The following ST8SIA5 variants were observed in gnomAD, a reference collection of about 807,000 sequenced individuals.
ST8SIA5 encodes alpha-2,8-sialyltransferase 8E.
ST8SIA5 carries 24 observed loss-of-function variants against 40.2 expected under a neutral mutation model. The ratio of observed to expected loss-of-function variants is 0.60; its 90% confidence interval spans 0.43 to 0.84. The LOEUF is 0.84. Among genes scored for constraint, ST8SIA5 ranks in the 40% least tolerant of loss-of-function variants. The pLI is 0.00. For synonymous variants in ST8SIA5, 198 were observed against 201.8 expected (o/e 0.98, Z 0.16); for missense variants, 465 against 498.5 (o/e 0.93, Z 0.64).
intron 2 of ST8SIA5, 57 bp from the exon 3 acceptor site, chr18:46,692,312 C>T: frequency 6.5e-7 from 1 of 1,538,004 alleles, no homozygotes; most frequent in Non-Finnish European, 9.0e-7. Context: ...AGAGCGCGAT[C>T]ATTCCCAGAA....
At chr18:46,709,745 G>A (rs1374258847) in intron 1 of ST8SIA5, among the ~76,000 whole-genome samples, 2 of 152,218 alleles carry the variant, frequency 1.3e-5, no homozygotes, top group African/African-American at 4.8e-5. Flanking sequence ...GCAAAGGGAA[G>A]AATTGTAACA....
rs867039821 is a variant in ST8SIA5 at position 46,677,085 on chromosome 18, T to A, written c.*2957A>T. 3 of 152,364 alleles carry A rather than the reference T, an allele frequency of 2.0e-5. No individual in the cohort carries two copies. The highest frequency in any genetic ancestry group is 4.4e-5 in the Non-Finnish European group (3 of 68,030). The allele number at this position is 152,364 out of a possible 1,614,324, so 9.4% of individuals were successfully genotyped here. A position where few individuals can be genotyped will look rare whatever the true frequency, so the allele number is the denominator to read the frequency against. ...AGTGCCACTGTGGGTAAGTCGCTAC[T>A]GCTGTAGGCGGCAGGGTTAGGGAGA... On this transcript the variant is annotated 3_prime_UTR_variant, in exon 7 of 7. Transcript: ENST00000315087.
chr18:46,725,969 AAAAATATAT>A lies in ST8SIA5; in HGVS notation c.132-21314_132-21306del, dbSNP rs1161569122. ...AACCCCATCTCTACTTAAAAAAAAA[AAAAATATAT>A]ATATATATATATATATATATATATA... On this transcript the variant is annotated intron_variant, in intron 1 of 6. Transcript: ENST00000315087. 1.3e-4 allele frequency among the ~76,000 whole-genome samples: 6 copies of A among 45,622 alleles called. 2 individuals carry two copies. The highest frequency in any genetic ancestry group is 2.1e-4 in the Non-Finnish European group (6 of 27,992). 29.9% of individuals were successfully genotyped at this position (45,622 alleles called of 152,430 possible).
At chr18:46,744,533 C>CG (rs2040119519) in intron 1 of ST8SIA5, among the ~76,000 whole-genome samples, 2 of 152,048 alleles carry the variant, frequency 1.3e-5, no homozygotes, top group African/African-American at 4.8e-5. Context: ...AATAGATATG[C>CG]ACCCAATACA....
At chr18:46,713,400 C>T (rs1191138141) in intron 1 of ST8SIA5, among the ~76,000 whole-genome samples, 1 of 152,296 alleles carries the variant, frequency 6.6e-6, no homozygotes, top group South Asian at 2.1e-4. Context: ...CTTCCTGTGC[C>T]CTCAGACATC....
At chr18:46,697,145 G>T (rs911756478) in intron 2 of ST8SIA5, among the ~76,000 whole-genome samples, 1 of 145,326 alleles carries the variant, frequency 6.9e-6, no homozygotes, top group East Asian at 2.1e-4. Context: ...AAAAAAAAAG[G>T]TATCATTTAC....
chr18:46,746,773 C>A (rs867913960), intron 1 of ST8SIA5, among the ~76,000 whole-genome samples: 11 of 149,930 alleles, frequency 7.3e-5, no homozygotes, highest in East Asian at 2.0e-4. Context: ...CAATCCTAAG[C>A]AAAAAAAAAC....
Position 46,756,587 on chromosome 18 carries a change from G to C in ST8SIA5, c.-79C>G. ...GCGGGGTTCCGGGGCCCCGGGGGGC[G>C]CGCGGCCGACTTGGCGCCTCACGGT... On this transcript the variant is annotated 5_prime_UTR_variant, in exon 1 of 7. Coordinates refer to ENST00000315087, the MANE Select transcript of ST8SIA5 (RefSeq NM_013305.6). 1 of 1,488,088 alleles carries C rather than the reference G, an allele frequency of 6.7e-7. No individual in the cohort carries two copies. Among genetic ancestry groups the C allele is most frequent in the Non-Finnish European group, 9.0e-7 (1 of 1,115,832 alleles). The allele number at this position is 1,488,088 out of a possible 1,614,324, so 92.2% of individuals were successfully genotyped here.
chr18:46,752,060 A>G (rs545084318), intron 1 of ST8SIA5, among the ~76,000 whole-genome samples: 6 of 152,152 alleles, frequency 3.9e-5, no homozygotes, highest in Admixed American at 2.6e-4. Context: ...CTCTGTCCCC[A>G]GCAATATAGC....
chr18:46,731,447 A>C (rs1279698069), intron 1 of ST8SIA5, among the ~76,000 whole-genome samples: 2 of 152,186 alleles, frequency 1.3e-5, no homozygotes, highest in African/African-American at 4.8e-5. Flanking sequence ...GGGGAACTAG[A>C]GGTCACTGAG....
intron 1 of ST8SIA5, among the ~76,000 whole-genome samples, chr18:46,738,988 T>A (rs1488683519): frequency 3.9e-5 from 6 of 152,188 alleles, no homozygotes; most frequent in African/African-American, 7.2e-5. Flanking sequence ...GAGGGTCCTC[T>A]GTACTTGAGG....
At chr18:46,698,202 A>G (rs1344306373) in intron 2 of ST8SIA5, among the ~76,000 whole-genome samples, 2 of 151,360 alleles carry the variant, frequency 1.3e-5, no homozygotes, top group African/African-American at 4.9e-5. Flanking sequence ...CATCACACCA[A>G]CAATCAAAAC....
intron 1 of ST8SIA5, among the ~76,000 whole-genome samples, chr18:46,726,313 G>T (rs899590687): frequency 6.6e-6 from 1 of 151,938 alleles, no homozygotes; most frequent in Non-Finnish European, 1.5e-5. Context: ...ACTGGTAGTT[G>T]CTGGGCCAAG....
At chr18:46,732,761 TTC>T (rs1482734172) in intron 1 of ST8SIA5, among the ~76,000 whole-genome samples, 1 of 152,188 alleles carries the variant, frequency 6.6e-6, no homozygotes, top group Non-Finnish European at 1.5e-5. Context: ...TAGCTCGGTT[TTC>T]TTATCTTCAA....
chr18:46,702,774 C>G (rs1264927567), intron 2 of ST8SIA5, among the ~76,000 whole-genome samples: 2 of 152,254 alleles, frequency 1.3e-5, no homozygotes, highest in African/African-American at 4.8e-5. Context: ...TAATGTCTGT[C>G]CCCCTCAGTG....
At position 46,692,145 on chromosome 18, in the gene ST8SIA5, G is replaced by A. The variant is rs1304822560; in HGVS notation, c.311+24C>T. ...GTGAGGAGAATCATACAAGGAGAAG[G>A]GAGGACAGACGAATCATAGATACTT... On this transcript the variant is annotated intron_variant, in intron 3 of 6. Transcript: ENST00000315087. The A allele has an allele frequency of 1.2e-5, 19 of 1,612,288 alleles. 1 individual carries two copies. The Admixed American group carries it at 3.2e-4, about 27-fold the overall frequency.
At chr18:46,756,107 C>T (rs989844760) in intron 1 of ST8SIA5, among the ~76,000 whole-genome samples, 1 of 152,254 alleles carries the variant, frequency 6.6e-6, no homozygotes, top group African/African-American at 2.4e-5. Flanking sequence ...ATGGATTTAT[C>T]GTCAGCCTGG....
chr18:46,728,768 C>T (rs895538795), intron 1 of ST8SIA5, among the ~76,000 whole-genome samples: 1 of 152,220 alleles, frequency 6.6e-6, no homozygotes, highest in African/African-American at 2.4e-5. Flanking sequence ...CATTGCTCTG[C>T]TCTGTTTTTC....
At chr18:46,710,201 T>A (rs953137858) in intron 1 of ST8SIA5, among the ~76,000 whole-genome samples, 2 of 152,026 alleles carry the variant, frequency 1.3e-5, no homozygotes, top group African/African-American at 4.8e-5. Context: ...TTCTGCCCCA[T>A]CTCTCTGCCC....
Sources: gnomAD v4.1 joint callset for allele counts (sites outside exome capture counted in the v4.1 genomes callset) on GRCh38, gnomAD v4.1.1 for gene constraint, MANE v1.5 for transcripts, NCBI Gene and HGNC (gene_info 2026-07-23, HGNC 2026-07-21) for gene names.